Variants in HCN1 observed in about 807,000 individuals in gnomAD.
HCN1 encodes hyperpolarization activated cyclic nucleotide gated potassium channel 1.
Under a neutral mutation model 78.9 loss-of-function variants are expected in HCN1, and 13 were observed. The observed-to-expected ratio is 0.16, with a 90% CI of 0.11 to 0.26. HCN1 has a LOEUF of 0.26. Among genes scored for constraint, HCN1 ranks in the 10% least tolerant of loss-of-function variants. The probability of loss-of-function intolerance (pLI) is 1.00; values close to 1 mark genes in which losing one functional copy is unlikely to be tolerated. For missense variants in HCN1, 810 were observed against 1,154.3 expected (o/e 0.70, Z 4.32); for synonymous variants, 552 against 455.5 (o/e 1.21, Z -2.70).
intron 4 of HCN1, among the ~76,000 whole-genome samples, chr5:45,373,569 A>T (rs990095884): frequency 7.1e-6 from 1 of 140,774 alleles, no homozygotes; most frequent in Admixed American, 7.6e-5. Flanking sequence ...TACATACATT[A>T]TATACGTCAT....
chr5:45,451,337 G>T lies in HCN1; in HGVS notation c.1011+10509C>A, dbSNP rs188837444. Among the ~76,000 whole-genome samples, 253 of 152,120 alleles carry T rather than the reference G, an allele frequency of 1.7e-3. 1 individual carries two copies. Among genetic ancestry groups the T allele is most frequent in the African/African-American group, 5.8e-3 (243 of 41,542 alleles). ...TATAATCAGAACAGAAAAATATAGA[G>T]AAATAATAACACTGATGAATGTAAG... is the stretch of plus-strand genomic sequence containing the variant. On this transcript the variant is annotated intron_variant, in intron 3 of 7. Coordinates refer to ENST00000303230, the MANE Select transcript of HCN1 (RefSeq NM_021072.4).
At chr5:45,560,128 C>T (rs1448731329) in intron 2 of HCN1, 1 of 152,070 alleles carries the variant, frequency 6.6e-6, no homozygotes, top group Non-Finnish European at 1.5e-5. Context: ...CAAACTGATA[C>T]AAATTGGTTT....
chr5:45,555,225 A>G (rs112754523), intron 2 of HCN1, among the ~76,000 whole-genome samples: 2,411 of 152,066 alleles, frequency 0.016, 34 homozygotes, highest in Non-Finnish European at 0.026. Context: ...TACAAAAATC[A>G]GTAGCATTTC....
chr5:45,266,642 C>T (rs545511443), intron 7 of HCN1, among the ~76,000 whole-genome samples: 18 of 151,128 alleles, frequency 1.2e-4, no homozygotes, highest in East Asian at 3.9e-4. Flanking sequence ...TCAAGAAATA[C>T]GGCTACAGCT....
chr5:45,305,774 AAAGG>A (rs58352441), intron 5 of HCN1, among the ~76,000 whole-genome samples: 2,269 of 147,890 alleles, frequency 0.015, 21 homozygotes, highest in African/African-American at 0.027. Context: ...AGGGAGGAAG[AAAGG>A]AAGGAAGGAA....
chr5:45,596,732 C>CTA (rs1193855191), intron 2 of HCN1, among the ~76,000 whole-genome samples: 2 of 152,122 alleles, frequency 1.3e-5, no homozygotes, highest in Non-Finnish European at 2.9e-5. Context: ...CTGTGTTAAG[C>CTA]TATGCACATT....
At chr5:45,324,193 G>T (rs112028468) in intron 5 of HCN1, among the ~76,000 whole-genome samples, 11 of 151,954 alleles carry the variant, frequency 7.2e-5, no homozygotes, top group African/African-American at 2.4e-4. Flanking sequence ...CACAGCAAAA[G>T]AAACCACAAT....
intron 3 of HCN1, among the ~76,000 whole-genome samples, chr5:45,398,175 C>T (rs1739721071): frequency 6.6e-6 from 1 of 151,828 alleles, no homozygotes; most frequent in Non-Finnish European, 1.5e-5. Flanking sequence ...CTTATCATGC[C>T]AATCTGTTTC....
At chr5:45,345,325 C>A (rs1041403509) in intron 5 of HCN1, among the ~76,000 whole-genome samples, 1 of 152,178 alleles carries the variant, frequency 6.6e-6, no homozygotes, top group Non-Finnish European at 1.5e-5. Flanking sequence ...AGGTCTCTGA[C>A]ATGCCCTGGA....
intron 2 of HCN1, among the ~76,000 whole-genome samples, chr5:45,509,465 T>A (rs1199615250): frequency 6.6e-6 from 1 of 152,158 alleles, no homozygotes. Flanking sequence ...TAAGCCTGCA[T>A]GCTGCAGGTT....
At chr5:45,452,148 AGCTTAT>A (rs1457713131) in intron 3 of HCN1, among the ~76,000 whole-genome samples, 3 of 151,930 alleles carry the variant, frequency 2.0e-5, no homozygotes, top group African/African-American at 7.2e-5. Context: ...ATCATTACCA[AGCTTAT>A]GCATGAGAAT....
At chr5:45,499,722 T>A (rs547233527) in intron 2 of HCN1, among the ~76,000 whole-genome samples, 15 of 152,330 alleles carry the variant, frequency 9.8e-5, no homozygotes, top group African/African-American at 3.4e-4. Flanking sequence ...TGTCACACTA[T>A]ACATGACACT....
At chr5:45,475,991 T>C (rs908480470) in intron 2 of HCN1, among the ~76,000 whole-genome samples, 1 of 152,182 alleles carries the variant, frequency 6.6e-6, no homozygotes, top group Admixed American at 6.6e-5. Flanking sequence ...ATAGAACTTT[T>C]AGCATTACAT....
At chr5:45,549,230 T>A (rs1374543129) in intron 2 of HCN1, among the ~76,000 whole-genome samples, 1 of 152,156 alleles carries the variant, frequency 6.6e-6, no homozygotes, top group East Asian at 1.9e-4. Flanking sequence ...GGCATCACGC[T>A]ACCTGACTTC....
chr5:45,686,747 T>A (rs1458532526), intron 1 of HCN1, among the ~76,000 whole-genome samples: 1 of 152,220 alleles, frequency 6.6e-6, no homozygotes, highest in East Asian at 1.9e-4. Flanking sequence ...ACATTATTTA[T>A]CAAATGCTGA....
intron 5 of HCN1, among the ~76,000 whole-genome samples, chr5:45,351,769 T>A (rs1212996590): frequency 1.3e-5 from 2 of 149,344 alleles, no homozygotes; most frequent in African/African-American, 2.5e-5. Flanking sequence ...AAAAAACACA[T>A]GAAAAAATGC....
At chr5:45,309,889 TAGGGAGGAC>T (rs1561099068) in intron 5 of HCN1, among the ~76,000 whole-genome samples, 7 of 152,126 alleles carry the variant, frequency 4.6e-5, no homozygotes, top group Non-Finnish European at 8.8e-5. Context: ...TAGAATAAGT[TAGGGAGGAC>T]TCCCTCCTTT....
At chr5:45,499,371 C>T (rs1367332083) in intron 2 of HCN1, among the ~76,000 whole-genome samples, 1 of 152,160 alleles carries the variant, frequency 6.6e-6, no homozygotes, top group Non-Finnish European at 1.5e-5. Context: ...TCTGTCACCC[C>T]TTTCTTTGAC....
chr5:45,289,950 G>T (rs1745338258), intron 6 of HCN1, among the ~76,000 whole-genome samples: 2 of 151,890 alleles, frequency 1.3e-5, no homozygotes, highest in South Asian at 2.1e-4. Context: ...TTATATTGGG[G>T]CATGATATGG....
Sources: gnomAD v4.1 joint callset for allele counts (sites outside exome capture counted in the v4.1 genomes callset) on GRCh38, gnomAD v4.1.1 for gene constraint, MANE v1.5 for transcripts, NCBI Gene and HGNC (gene_info 2026-07-23, HGNC 2026-07-21) for gene names.